Variants in THADA observed in about 807,000 individuals in gnomAD.
The protein encoded by THADA is THADA armadillo repeat containing.
In THADA, 213 loss-of-function variants were observed where a neutral mutation model predicts 219.8. The observed-to-expected ratio is 0.97, with a 90% confidence interval of 0.87 to 1.09. The LOEUF is 1.09. Among genes scored for constraint, THADA ranks in the 50% least tolerant of loss-of-function variants. The probability of loss-of-function intolerance (pLI) is 0.00; values close to 1 mark genes in which losing one functional copy is unlikely to be tolerated. For missense variants in THADA, 2,956 were observed against 2,311.3 expected (o/e 1.28, Z -5.72); for synonymous variants, 1,018 against 828.9 (o/e 1.23, Z -3.92).
At chr2:43,358,090 T>C (rs1266902821) in intron 29 of THADA, among the ~76,000 whole-genome samples, 1 of 152,204 alleles carries the variant, frequency 6.6e-6, no homozygotes, top group Admixed American at 6.5e-5. Context: ...GTCACCATTT[T>C]CTACACACGT....
chr2:43,587,128 A>T (rs899678789), intron 4 of THADA, 126 bp from the exon 5 acceptor site: 4 of 951,688 alleles, frequency 4.2e-6, no homozygotes, highest in Non-Finnish European at 6.2e-6. Context: ...AGAAAACTAC[A>T]ACTACACACT....
intron 26 of THADA, among the ~76,000 whole-genome samples, chr2:43,445,127 G>C (rs908524652): frequency 1.1e-4 from 16 of 152,116 alleles, no homozygotes; most frequent in African/African-American, 3.6e-4. Flanking sequence ...CTAACGGCCT[G>C]TGTCTCCTCA....
At chr2:43,234,232 G>A (rs528810271) in intron 36 of THADA, among the ~76,000 whole-genome samples, 1 of 152,322 alleles carries the variant, frequency 6.6e-6, no homozygotes, top group South Asian at 2.1e-4. Flanking sequence ...CGCAGATTTG[G>A]AGACCCAGCA....
chr2:43,375,630 G>T (rs1671284066), intron 29 of THADA, among the ~76,000 whole-genome samples: 1 of 152,074 alleles, frequency 6.6e-6, no homozygotes, highest in South Asian at 2.1e-4. Context: ...TTACACAGAG[G>T]AAAATTTTGT....
chr2:43,231,364 G>T, intron 37 of THADA, 21 bp from the exon 38 acceptor site: 1 of 1,495,976 alleles, frequency 6.7e-7, no homozygotes, highest in Non-Finnish European at 8.9e-7. Context: ...TGAAAAAGCC[G>T]AAAGTCAGTC....
At chr2:43,521,275 GC>G (rs1054173527) in intron 22 of THADA, among the ~76,000 whole-genome samples, 1 of 152,078 alleles carries the variant, frequency 6.6e-6, no homozygotes, top group African/African-American at 2.4e-5. Flanking sequence ...GGTAGGGAGG[GC>G]CGGGCGTGGT....
intron 31 of THADA, among the ~76,000 whole-genome samples, chr2:43,320,227 T>C (rs533001995): frequency 1.3e-5 from 2 of 152,244 alleles, no homozygotes; most frequent in Non-Finnish European, 2.9e-5. Context: ...CTTCCCTGAA[T>C]GACCAACTAG....
intron 14 of THADA, among the ~76,000 whole-genome samples, chr2:43,568,725 C>T (rs1698957867): frequency 6.6e-6 from 1 of 151,950 alleles, no homozygotes; most frequent in South Asian, 2.1e-4. Context: ...AATAACTAGG[C>T]TGGGCATAAT....
At chr2:43,312,779 G>A (rs886785704) in intron 31 of THADA, among the ~76,000 whole-genome samples, 4 of 141,604 alleles carry the variant, frequency 2.8e-5, no homozygotes, top group Admixed American at 7.4e-5. Context: ...GAAATACAAA[G>A]TCCCCAGAAG....
chr2:43,315,321 T>C (rs914321634), intron 31 of THADA, among the ~76,000 whole-genome samples: 1 of 152,158 alleles, frequency 6.6e-6, no homozygotes, highest in African/African-American at 2.4e-5. Context: ...TCTAAAATAA[T>C]TCCTTTTACC....
At chr2:43,557,861 A>T (rs776757561) in intron 16 of THADA, among the ~76,000 whole-genome samples, 1 of 152,258 alleles carries the variant, frequency 6.6e-6, no homozygotes, top group Non-Finnish European at 1.5e-5. Flanking sequence ...ATTTCACAAC[A>T]GTGGATATCA....
rs1408096176 is a variant in THADA at position 43,292,926 on chromosome 2, C to T, written c.4726G>A (p.Gly1576Arg). 2 of 1,614,038 alleles carry T rather than the reference C, an allele frequency of 1.2e-6. No individual in the cohort carries two copies. Among genetic ancestry groups the T allele is most frequent in the Admixed American group, 1.7e-5 (1 of 60,032 alleles). ...AGCAAGGGTGGCACGCCCTTCTCTCCAAGTCCAGAGGCTGCTGCTAAGAAC... is the reference window on the plus strand; with the variant it reads ...AGCAAGGGTGGCACGCCCTTCTCTCTAAGTCCAGAGGCTGCTGCTAAGAAC... ...EKFLAAASGL[G>R]EKGVPPLLCN... The change falls in exon 32 of 38, where the codon GGA (glycine) becomes AGA (arginine). Residue 1576 changes from glycine to arginine, a missense_variant. Gly to Arg is a moderately radical substitution (Grantham distance 125). Transcript: ENST00000405975.
chr2:43,442,538 C>T (rs903675308), intron 26 of THADA, among the ~76,000 whole-genome samples: 1 of 152,154 alleles, frequency 6.6e-6, no homozygotes. Flanking sequence ...GGGAAAAGTA[C>T]TTAAGCTGAC....
At chr2:43,474,273 G>A (rs894204235) in intron 26 of THADA, among the ~76,000 whole-genome samples, 1 of 152,198 alleles carries the variant, frequency 6.6e-6, no homozygotes, top group African/African-American at 2.4e-5. Context: ...AAGAGGATGT[G>A]TGTTTTAAGA....
chr2:43,566,119 A>C, intron 15 of THADA: 1 of 235,734 alleles, frequency 4.2e-6, no homozygotes. Context: ...TTTCTTGTCA[A>C]AAAGGAAAAA....
chr2:43,527,419 AT>A (rs1230036148), intron 22 of THADA, among the ~76,000 whole-genome samples: 1 of 152,192 alleles, frequency 6.6e-6, no homozygotes, highest in Admixed American at 6.5e-5. Context: ...AAGGAAAAAA[AT>A]ATTTTCTACT....
intron 7 of THADA, among the ~76,000 whole-genome samples, chr2:43,585,962 T>A (rs1700978623): frequency 6.6e-6 from 1 of 151,994 alleles, no homozygotes; most frequent in African/African-American, 2.4e-5. Context: ...AATAATTGGG[T>A]CTAATATTAA....
At chr2:43,554,025 A>T (rs1209930861) in intron 17 of THADA, among the ~76,000 whole-genome samples, 1 of 152,330 alleles carries the variant, frequency 6.6e-6, no homozygotes, top group East Asian at 1.9e-4. Context: ...AAAGTCCCTT[A>T]TCAGACATAG....
intron 29 of THADA, among the ~76,000 whole-genome samples, chr2:43,357,458 T>G (rs1668995472): frequency 6.6e-6 from 1 of 152,216 alleles, no homozygotes; most frequent in African/African-American, 2.4e-5. Flanking sequence ...GACTTGAAAG[T>G]CCGGCATTTG....
Sources: gnomAD v4.1 joint callset for allele counts (sites outside exome capture counted in the v4.1 genomes callset) on GRCh38, gnomAD v4.1.1 for gene constraint, MANE v1.5 for transcripts, NCBI Gene and HGNC (gene_info 2026-07-23, HGNC 2026-07-21) for gene names.